CALN1: variants seen among roughly 807,000 people sequenced by gnomAD.
The protein encoded by CALN1 is calcium-binding protein 8.
In CALN1, 17 loss-of-function variants were observed where a neutral mutation model predicts 30.6. The observed-to-expected ratio is 0.56, with a 90% CI of 0.38 to 0.83. The LOEUF (loss-of-function observed/expected upper bound fraction) is 0.83, where lower values mean the gene tolerates loss of function less well. CALN1 is among the 40% of genes least tolerant of loss of function. The pLI is 0.00. For missense variants in CALN1, 291 were observed against 354.9 expected (o/e 0.82, Z 1.45); for synonymous variants, 156 against 131.4 (o/e 1.19, Z -1.28).
At chr7:72,293,588 T>C (rs1798641973) in intron 2 of CALN1, among the ~76,000 whole-genome samples, 2 of 152,048 alleles carry the variant, frequency 1.3e-5, no homozygotes, top group African/African-American at 2.4e-5. Flanking sequence ...CCATGCAGGG[T>C]AGCAGGAGAA....
chr7:71,797,544 T>G (rs1584237843), intron 6 of CALN1, among the ~76,000 whole-genome samples: 1 of 152,130 alleles, frequency 6.6e-6, no homozygotes, highest in South Asian at 2.1e-4. Context: ...GTGAGACTGG[T>G]ATGTTTCATG....
intron 3 of CALN1, among the ~76,000 whole-genome samples, chr7:72,217,917 A>G (rs1792960976): frequency 7.9e-6 from 1 of 126,950 alleles, no homozygotes. Flanking sequence ...ATCTCGGCTC[A>G]CTGCAAGCTC....
intron 3 of CALN1, among the ~76,000 whole-genome samples, chr7:72,232,960 T>G (rs1222332570): frequency 6.6e-6 from 1 of 152,114 alleles, no homozygotes; most frequent in Non-Finnish European, 1.5e-5. Flanking sequence ...TAGCATAAAT[T>G]AGCATGTTTA....
chr7:72,371,454 C>T (rs1309534677), intron 2 of CALN1, among the ~76,000 whole-genome samples: 1 of 152,066 alleles, frequency 6.6e-6, no homozygotes, highest in Non-Finnish European at 1.5e-5. Context: ...CTCATGAGAT[C>T]TGATGGTTTT....
intron 3 of CALN1, among the ~76,000 whole-genome samples, chr7:72,278,227 A>T (rs2129554021): frequency 6.6e-6 from 1 of 152,216 alleles, no homozygotes; most frequent in South Asian, 2.1e-4. Context: ...CTTCCAGATG[A>T]TTCTGATCTG....
intron 5 of CALN1, among the ~76,000 whole-genome samples, chr7:71,943,730 C>A (rs1440853841): frequency 6.6e-6 from 1 of 152,108 alleles, no homozygotes; most frequent in Non-Finnish European, 1.5e-5. Context: ...GAGTGAGCCA[C>A]CAGGCCAGGC....
chr7:72,114,936 G>C (rs1584971787), intron 3 of CALN1, among the ~76,000 whole-genome samples: 3 of 152,064 alleles, frequency 2.0e-5, no homozygotes, highest in East Asian at 3.9e-4. Flanking sequence ...AGGGGTTGCA[G>C]TGAGCCAAGA....
At chr7:71,877,018 T>C (rs1286466026) in intron 5 of CALN1, among the ~76,000 whole-genome samples, 2 of 152,244 alleles carry the variant, frequency 1.3e-5, no homozygotes, top group Admixed American at 6.5e-5. Flanking sequence ...TCTTTGTTTT[T>C]GTTTTTTAAA....
At chr7:71,843,162 T>G (rs1250209075) in intron 5 of CALN1, among the ~76,000 whole-genome samples, 1 of 152,204 alleles carries the variant, frequency 6.6e-6, no homozygotes, top group African/African-American at 2.4e-5. Context: ...TTATTCTCCC[T>G]AAGAAGACAC....
chr7:71,928,998 C>T (rs771578725), intron 5 of CALN1, among the ~76,000 whole-genome samples: 14 of 152,072 alleles, frequency 9.2e-5, no homozygotes, highest in African/African-American at 1.7e-4. Context: ...ATGGATTCAC[C>T]GATTTTTGAT....
chr7:72,476,664 T>A, the CALN1 span, among the ~76,000 whole-genome samples: 1 of 152,178 alleles, frequency 6.6e-6, no homozygotes, highest in Non-Finnish European at 1.5e-5. Context: ...CTTCAAATGC[T>A]CTCAGCCTAT....
intron 5 of CALN1, among the ~76,000 whole-genome samples, chr7:71,887,752 A>G (rs1793000608): frequency 6.6e-6 from 1 of 152,156 alleles, no homozygotes; most frequent in Non-Finnish European, 1.5e-5. Context: ...AATGCAAGTA[A>G]AACATGCTCA....
chr7:71,923,630 T>C (rs1267124665), intron 5 of CALN1, among the ~76,000 whole-genome samples: 1 of 152,176 alleles, frequency 6.6e-6, no homozygotes, highest in Non-Finnish European at 1.5e-5. Context: ...TTGTTTTTCC[T>C]GGGTGCCAGG....
At chr7:72,401,763 C>CT (rs1260762036) in intron 2 of CALN1, among the ~76,000 whole-genome samples, 1 of 152,218 alleles carries the variant, frequency 6.6e-6, no homozygotes, top group Non-Finnish European at 1.5e-5. Context: ...AAAGATTTGT[C>CT]TGTTTGCTGT....
intron 3 of CALN1, among the ~76,000 whole-genome samples, chr7:72,167,708 TG>T: frequency 6.6e-6 from 1 of 152,344 alleles, no homozygotes; most frequent in South Asian, 2.1e-4. Context: ...TTAATATCTC[TG>T]AGATGGTTTT....
intron 6 of CALN1, among the ~76,000 whole-genome samples, chr7:71,796,146 G>A (rs1012106701): frequency 2.6e-5 from 4 of 151,630 alleles, no homozygotes; most frequent in East Asian, 2.0e-4. Context: ...TTTTATGACC[G>A]GATAATATTT....
At chr7:71,835,292 CTTCT>C (rs1156863806) in intron 5 of CALN1, among the ~76,000 whole-genome samples, 2 of 152,228 alleles carry the variant, frequency 1.3e-5, no homozygotes, top group Admixed American at 6.6e-5. Flanking sequence ...GTCACACTTC[CTTCT>C]GTTTGTCTTA....
At chr7:72,400,873 A>C (rs1399145482) in intron 2 of CALN1, among the ~76,000 whole-genome samples, 2 of 152,076 alleles carry the variant, frequency 1.3e-5, no homozygotes, top group Non-Finnish European at 2.9e-5. Flanking sequence ...TGTCCCTTGC[A>C]ACCAATATGG....
chr7:71,883,465 C>T (rs1170262026), intron 5 of CALN1, among the ~76,000 whole-genome samples: 1 of 152,110 alleles, frequency 6.6e-6, no homozygotes, highest in South Asian at 2.1e-4. Flanking sequence ...TAAGTCACTC[C>T]GTTTCTCTTC....
Sources: allele counts gnomAD v4.1 joint callset (sites outside exome capture counted in the v4.1 genomes callset), GRCh38; gene constraint gnomAD v4.1.1; transcripts MANE v1.5; gene names NCBI Gene and HGNC (gene_info 2026-07-23, HGNC 2026-07-21).